The following FLNB variants were observed in gnomAD, a reference collection of about 807,000 sequenced individuals.
The protein encoded by FLNB is filamin B.
FLNB carries 111 observed loss-of-function variants against 250.6 expected under a neutral mutation model. That is an observed-to-expected ratio of 0.44 (90% CI 0.38 to 0.52). FLNB has a LOEUF of 0.52. Among genes scored for constraint, FLNB ranks in the 20% least tolerant of loss-of-function variants. The pLI is 0.00. For missense variants in FLNB, 2,869 were observed against 3,447.8 expected, an observed-to-expected ratio of 0.83 and a Z score of 4.20; for synonymous variants, 1,302 against 1,372.1, an observed-to-expected ratio of 0.95 and a Z score of 1.13.
chr3:58,040,248 C>T (rs991874650), intron 1 of FLNB, among the ~76,000 whole-genome samples: 7 of 152,218 alleles, frequency 4.6e-5, no homozygotes, highest in Non-Finnish European at 1.5e-5. Flanking sequence ...AAGCAATACA[C>T]CCTGACCCAG....
In FLNB at chr3:58,143,632, C is replaced by T; in HGVS notation, c.5425+19C>T. The T allele has an allele frequency of 6.2e-7, 1 of 1,613,252 alleles. No homozygotes were observed. The highest frequency in any genetic ancestry group is 8.5e-7 in the Non-Finnish European group (1 of 1,180,016). On this transcript the variant is annotated intron_variant, in intron 32 of 45. Coordinates refer to ENST00000295956, the MANE Select transcript of FLNB (RefSeq NM_001457.4). ...ATCCCTGGTAAGCTGAGTCAGCAGG[C>T]CCAGCAGGGCTCCACCATTCAGGGG...
At chr3:58,170,355 G>C (rs1455503740) in intron 45 of FLNB, 2 of 586,574 alleles carry the variant, frequency 3.4e-6, no homozygotes, top group Non-Finnish European at 6.1e-6. Context: ...GGAGAGGTGA[G>C]ATTCCAGTCC....
chr3:58,136,469 T>C (rs1415024413), intron 28 of FLNB, among the ~76,000 whole-genome samples: 3 of 152,200 alleles, frequency 2.0e-5, no homozygotes, highest in Admixed American at 2.0e-4. Flanking sequence ...GCTTTTGAAA[T>C]GTTGAGAACC....
chr3:58,105,278 G>A lies in FLNB; in HGVS notation c.1747+62G>A, dbSNP rs951123475. On this transcript the variant is annotated intron_variant, in intron 11 of 45. Coordinates refer to ENST00000295956, the MANE Select transcript of FLNB (RefSeq NM_001457.4). ...CTGAGGATTACAGGGCTTCCGGGCT[G>A]TGTCAGGCTGGATGTTGGGGCCTTG... 1.3e-5 allele frequency: 21 copies of A among 1,608,542 alleles called. No homozygotes were observed. The African/African-American group carries it at 2.4e-4, about 18-fold the overall frequency.
Position 58,112,274 on chromosome 3 carries a change from A to G in FLNB, c.2701A>G (p.Asn901Asp). The change falls in exon 18 of 46, where the codon AAT becomes GAT. Residue 901 changes from asparagine (N) to aspartate (D), a missense_variant. Physicochemically the swap from Asn to Asp is conservative, Grantham distance 23 (BLOSUM62 1). Around this residue, in one of 5 missense-constraint regions of FLNB, gnomAD observed 1,348 missense variants for 1,466.7 expected, o/e 0.92. Coordinates refer to ENST00000295956, the MANE Select transcript of FLNB (RefSeq NM_001457.4). ...DAVKDLDIID[N>D]YDYSHTVKYT... ...AGTGAAGGATTTGGATATCATCGATAATTATGACTACTCTCACACGGTTAA... is the reference window on the plus strand; with the variant it reads ...AGTGAAGGATTTGGATATCATCGATGATTATGACTACTCTCACACGGTTAA... 6.2e-7 allele frequency: 1 copy of G among 1,613,982 alleles called. No individual in the cohort carries two copies. Among genetic ancestry groups the G allele is most frequent in the Non-Finnish European group, 8.5e-7 (1 of 1,180,028 alleles).
intron 34 of FLNB, 85 bp from the exon 35 acceptor site, chr3:58,148,121 T>C: frequency 2.2e-6 from 3 of 1,384,632 alleles, no homozygotes; most frequent in Non-Finnish European, 3.1e-6. Flanking sequence ...TGCGTGTTCA[T>C]CCGTGAACAG....
Position 58,149,953 on chromosome 3 carries a change from G to T in FLNB, c.6195G>T (p.Val2065=), listed in dbSNP as rs778850530. ...GCAAAGTCTCCTACTTCCCTACCGT[G>T]CCTGGGGTTTATATCGTCTCCACCA... ...GTCKVSYFPT[V]PGVYIVSTKF... Residue 2065 remains valine, a synonymous_variant, in exon 37 of 46, where the codon GTG becomes GTT. Coordinates refer to ENST00000295956, the MANE Select transcript of FLNB (RefSeq NM_001457.4). 8 of 1,614,226 alleles carry T rather than the reference G, an allele frequency of 5.0e-6. No individual in the cohort carries two copies. The highest frequency in any genetic ancestry group is 6.8e-6 in the Non-Finnish European group (8 of 1,180,042).
At chr3:58,039,832 C>T (rs561148035) in intron 1 of FLNB, among the ~76,000 whole-genome samples, 45 of 152,174 alleles carry the variant, frequency 3.0e-4, no homozygotes, top group African/African-American at 9.4e-4. Flanking sequence ...GAACATCTCA[C>T]GTTGTGAAGA....
In FLNB at chr3:58,116,492, C is replaced by T. The variant is rs539957758; in HGVS notation, c.2746-2380C>T. On this transcript the variant is annotated intron_variant, in intron 18 of 45. Coordinates refer to ENST00000295956, the MANE Select transcript of FLNB (RefSeq NM_001457.4). ...GATTGCTGGTTTTGCTCCCTGACAC[C>T]TGCAGGCCTGCCACTCCACCTCGCA... 2.0e-5 allele frequency among the ~76,000 whole-genome samples: 3 copies of T among 152,298 alleles called. No homozygotes were observed. In the South Asian group the frequency reaches 6.2e-4, roughly 32 times the overall value.
Position 58,142,816 on chromosome 3 carries a change from C to T in FLNB, c.5284+64C>T. 1.4e-6 allele frequency: 2 copies of T among 1,426,416 alleles called. No homozygotes were observed. Among genetic ancestry groups the T allele is most frequent in the Non-Finnish European group, 2.0e-6 (2 of 1,012,714 alleles). 88.4% of individuals were successfully genotyped at this position (1,426,416 alleles called of 1,614,324 possible). ...CTCTCACGAGCTTCCCAGAATGGTGCTGGGGAGGTGTGTCCACTGTCCCCC... is the reference window on the plus strand; with the variant it reads ...CTCTCACGAGCTTCCCAGAATGGTGTTGGGGAGGTGTGTCCACTGTCCCCC... On this transcript the variant is annotated intron_variant, in intron 31 of 45. Transcript: ENST00000295956. The surrounding 1 kb of genome is among the most constrained non-coding windows in gnomAD (Gnocchi z 4.3).
chr3:58,095,616 C>T (rs2097237184), intron 5 of FLNB, among the ~76,000 whole-genome samples: 1 of 152,188 alleles, frequency 6.6e-6, no homozygotes, highest in South Asian at 2.1e-4. Context: ...GCTCTCTTCC[C>T]ACATTGGCCA....
chr3:58,034,107 C>T (rs771227197), intron 1 of FLNB, among the ~76,000 whole-genome samples: 2 of 152,188 alleles, frequency 1.3e-5, no homozygotes, highest in African/African-American at 2.4e-5. Context: ...GCGATCCGCT[C>T]ACCTCTGCCT....
At chr3:58,152,504 CT>C (rs1455174456) in intron 38 of FLNB, among the ~76,000 whole-genome samples, 1 of 152,200 alleles carries the variant, frequency 6.6e-6, no homozygotes, top group African/African-American at 2.4e-5. Flanking sequence ...CTGTCTGGGA[CT>C]CTTACAAGGC....
chr3:58,023,067 GC>G (rs538131009), intron 1 of FLNB, among the ~76,000 whole-genome samples: 452 of 150,906 alleles, frequency 3.0e-3, no homozygotes, highest in Non-Finnish European at 5.0e-3. Context: ...ACCTGCCTCG[GC>G]CTCCTAAAGT....
rs925338828 is a variant in FLNB, at chr3:58,020,553, A to G, written c.292+11697A>G. 2.0e-5 allele frequency among the ~76,000 whole-genome samples: 3 copies of G among 152,194 alleles called. No individual in the cohort carries two copies. The East Asian group carries it at 5.8e-4, about 29-fold the overall frequency. On this transcript the variant is annotated intron_variant, in intron 1 of 45. Transcript: ENST00000295956. ...CTTGCTGAAAGGTCTGGGTGTTAAC[A>G]CAGCACTCCTGTTCTCTCTCTCTGA...
Position 58,164,689 on chromosome 3 carries a change from C to G in FLNB, c.7198+1359C>G, listed in dbSNP as rs900887691. ...GGGTGGTGTGAGTGCTGCCAGACTC[C>G]CCAGGCAAATCCAGCCCGGCTCCAC... On this transcript the variant is annotated intron_variant, in intron 43 of 45. Coordinates refer to ENST00000295956, the MANE Select transcript of FLNB (RefSeq NM_001457.4). This position sits in a 1 kb window ranked among gnomAD's most constrained non-coding sequence, Gnocchi z 4.0. 6.6e-6 allele frequency: 1 copy of G among 152,206 alleles called. No individual in the cohort carries two copies. The highest frequency in any genetic ancestry group is 1.5e-5 in the Non-Finnish European group (1 of 68,040). The allele number at this position is 152,206 out of a possible 1,614,324, so 9.4% of individuals were successfully genotyped here. A position where few individuals can be genotyped will look rare whatever the true frequency, so the allele number is the denominator to read the frequency against.
intron 3 of FLNB, 126 bp from the exon 4 acceptor site, chr3:58,081,503 A>T: frequency 2.2e-6 from 2 of 929,924 alleles, no homozygotes; most frequent in Non-Finnish European, 1.8e-6. Context: ...AAGTAATTTC[A>T]CTTAATTGAG....
At chr3:58,137,718 C>T (rs1339446892) in intron 28 of FLNB, among the ~76,000 whole-genome samples, 1 of 152,176 alleles carries the variant, frequency 6.6e-6, no homozygotes, top group Non-Finnish European at 1.5e-5. Flanking sequence ...AGCACCCATC[C>T]TTCAGGGTTC....
At chr3:58,150,036 C>G (rs1299152198) in intron 37 of FLNB, 34 bp downstream of exon 37, 2 of 1,614,264 alleles carry the variant, frequency 1.2e-6, no homozygotes, top group African/African-American at 2.7e-5. Flanking sequence ...AGGTGGGATG[C>G]TTGGGTTTTC....
Sources: allele counts gnomAD v4.1 joint callset (sites outside exome capture counted in the v4.1 genomes callset), GRCh38; gene constraint gnomAD v4.1.1; regional missense constraint gnomAD v4.1.1; non-coding constraint Gnocchi (gnomAD v3.1); transcripts MANE v1.5; gene names NCBI Gene and HGNC (gene_info 2026-07-23, HGNC 2026-07-21).